SEL1L: variants seen among roughly 807,000 people sequenced by gnomAD.
The protein encoded by SEL1L is protein sel-1 homolog 1.
A neutral mutation model predicts 109.8 loss-of-function variants in SEL1L; 52 were observed. The observed-to-expected ratio is 0.47, with a 90% CI of 0.38 to 0.60. The LOEUF is 0.60. SEL1L is among the 20% of genes least tolerant of loss of function. The pLI, the probability that SEL1L is intolerant of heterozygous loss-of-function variation, is 0.00. For synonymous variants in SEL1L, 373 were observed against 339.6 expected (o/e 1.10, Z -1.08); for missense variants, 749 against 962.2 (o/e 0.78, Z 2.93).
At chr14:81,512,785 C>T (rs1884539243) in intron 3 of SEL1L, among the ~76,000 whole-genome samples, 2 of 152,180 alleles carry the variant, frequency 1.3e-5, no homozygotes, top group Admixed American at 1.3e-4. Flanking sequence ...ATAGGGAATA[C>T]CACAATGTAA....
At chr14:81,495,053 T>C (rs756473981) in intron 11 of SEL1L, 28 bp downstream of exon 11, 16 of 1,606,390 alleles carry the variant, frequency 1.0e-5, no homozygotes, top group Non-Finnish European at 1.3e-5. Context: ...AAAACTGAGA[T>C]GCAAAGCCCT....
rs771114275 is a variant in SEL1L, at chr14:81,475,870, A to C, written c.*1102T>G. 6.6e-6 allele frequency: 1 copy of C among 152,208 alleles called. No homozygotes were observed. Among genetic ancestry groups the C allele is most frequent in the Non-Finnish European group, 1.5e-5 (1 of 68,044 alleles). 9.4% of individuals were successfully genotyped at this position (152,208 alleles called of 1,614,324 possible). ...TAAAAAGATACCTGAATAGTATAGA[A>C]CAGTACAAACAGGTTTTGGCTTTCA... On this transcript the variant is annotated 3_prime_UTR_variant, in exon 21 of 21. Coordinates refer to ENST00000336735, the MANE Select transcript of SEL1L (RefSeq NM_005065.6).
At chr14:81,511,749 T>C (rs554161412) in intron 3 of SEL1L, among the ~76,000 whole-genome samples, 1 of 152,242 alleles carries the variant, frequency 6.6e-6, no homozygotes. Flanking sequence ...ACAAACTTGC[T>C]TCAGAACCCA....
intron 3 of SEL1L, among the ~76,000 whole-genome samples, chr14:81,522,603 T>G (rs1266643499): frequency 6.6e-6 from 1 of 152,156 alleles, no homozygotes; most frequent in Non-Finnish European, 1.5e-5. Context: ...ACTCTATATT[T>G]GCACAACGAT....
At chr14:81,499,303 T>C in intron 8 of SEL1L, 156 bp downstream of exon 8, 1 of 1,393,840 alleles carries the variant, frequency 7.2e-7, no homozygotes, top group Non-Finnish European at 9.3e-7. Flanking sequence ...ATTCCATGTG[T>C]TATATCCATT....
chr14:81,502,680 G>C (rs750317499), intron 6 of SEL1L, 41 bp downstream of exon 6: 2 of 1,586,436 alleles, frequency 1.3e-6, no homozygotes, highest in Non-Finnish European at 1.7e-6. Flanking sequence ...AAACTAACAA[G>C]TGTTACATGC....
chr14:81,504,877 T>C (rs1323084137), intron 4 of SEL1L, among the ~76,000 whole-genome samples: 4 of 152,114 alleles, frequency 2.6e-5, no homozygotes, highest in Non-Finnish European at 2.9e-5. Flanking sequence ...GCTCCCACCA[T>C]ATGAGACGGC....
At chr14:81,508,218 A>G (rs1358658697) in intron 3 of SEL1L, among the ~76,000 whole-genome samples, 4 of 152,196 alleles carry the variant, frequency 2.6e-5, no homozygotes, top group African/African-American at 9.7e-5. Context: ...GAAAGACAAA[A>G]TGAATTTCAA....
intron 18 of SEL1L, 84 bp downstream of exon 18, chr14:81,485,588 G>A (rs549857347): frequency 1.8e-5 from 21 of 1,197,790 alleles, no homozygotes; most frequent in African/African-American, 6.0e-5. Flanking sequence ...CACAGTACTC[G>A]GCTTCATGAT....
chr14:81,524,491 G>A (rs531046821), intron 3 of SEL1L, among the ~76,000 whole-genome samples: 1 of 152,296 alleles, frequency 6.6e-6, no homozygotes, highest in African/African-American at 2.4e-5. Flanking sequence ...GACATTACAA[G>A]TTCATGACCA....
chr14:81,484,609 CAG>C (rs777119412), intron 18 of SEL1L: 1 of 447,326 alleles, frequency 2.2e-6, no homozygotes, highest in Non-Finnish European at 4.0e-6. Flanking sequence ...CTTTGGAATA[CAG>C]AGAGGTAAAA....
intron 9 of SEL1L, 44 bp from the exon 10 acceptor site, chr14:81,498,090 G>C: frequency 2.5e-6 from 4 of 1,572,938 alleles, no homozygotes; most frequent in Non-Finnish European, 3.5e-6. Context: ...AAAATCAGAA[G>C]AATTGTTCCA....
chr14:81,495,415 C>G (rs1883704992), intron 10 of SEL1L, among the ~76,000 whole-genome samples: 1 of 152,076 alleles, frequency 6.6e-6, no homozygotes, highest in African/African-American at 2.4e-5. Context: ...ATGGGTGAAT[C>G]ACTTGAGCCC....
intron 6 of SEL1L, among the ~76,000 whole-genome samples, chr14:81,501,378 G>C (rs1204612103): frequency 6.6e-6 from 1 of 152,156 alleles, no homozygotes; most frequent in Non-Finnish European, 1.5e-5. Flanking sequence ...AGAGGGAACT[G>C]ATGCCTTATA....
intron 8 of SEL1L, chr14:81,498,730 AT>A: frequency 2.9e-6 from 1 of 344,424 alleles, no homozygotes; most frequent in South Asian, 1.1e-4. Context: ...ATCAAAATAG[AT>A]GTCATAAACT....
intron 3 of SEL1L, among the ~76,000 whole-genome samples, chr14:81,524,357 A>G (rs186082789): frequency 2.0e-5 from 3 of 152,308 alleles, no homozygotes; most frequent in Admixed American, 6.5e-5. Context: ...AAAGCAACAG[A>G]AAGTACACAC....
At chr14:81,481,121 A>G (rs1409740986) in intron 19 of SEL1L, among the ~76,000 whole-genome samples, 1 of 152,182 alleles carries the variant, frequency 6.6e-6, no homozygotes, top group Non-Finnish European at 1.5e-5. Context: ...TGTGTTAGAT[A>G]TATTTCTGTA....
intron 6 of SEL1L, among the ~76,000 whole-genome samples, chr14:81,501,231 G>A (rs959565080): frequency 6.6e-6 from 1 of 152,208 alleles, no homozygotes; most frequent in African/African-American, 2.4e-5. Context: ...AATCTAGCAT[G>A]AGCAAGAAAT....
At chr14:81,511,916 GAC>G (rs1460380184) in intron 3 of SEL1L, among the ~76,000 whole-genome samples, 3 of 152,308 alleles carry the variant, frequency 2.0e-5, no homozygotes, top group South Asian at 4.1e-4. Context: ...AAAGAAAAAT[GAC>G]AGTTATCTTT....
Sources: allele counts gnomAD v4.1 joint callset (sites outside exome capture counted in the v4.1 genomes callset), GRCh38; gene constraint gnomAD v4.1.1; transcripts MANE v1.5; gene names NCBI Gene and HGNC (gene_info 2026-07-23, HGNC 2026-07-21).